Variants in CIC observed in about 807,000 individuals in gnomAD.
CIC encodes the protein capicua transcriptional repressor.
CIC carries 18 observed loss-of-function variants against 115.7 expected under a neutral mutation model. The observed-to-expected ratio is 0.16, with a 90% CI of 0.11 to 0.23. CIC has a LOEUF of 0.23. Among genes scored for constraint, CIC ranks in the 10% least tolerant of loss-of-function variants. CIC has a pLI of 1.00. For synonymous variants in CIC, 1,076 were observed against 923.0 expected (o/e 1.17, Z -3.01); for missense variants, 2,000 against 2,159.3 (o/e 0.93, Z 1.46).
At position 42,272,454 on chromosome 19, in the gene CIC, T is replaced by G. The variant is rs1346382831; in HGVS notation, c.671T>G (p.Val224Gly). Reference sequence around the variant, plus strand: ...TTCCTGCCGGCTGTGGTGCGCCAGGTGCGCCGAAGCCAGGACCTGGGCGTG... The same window carrying G: ...TTCCTGCCGGCTGTGGTGCGCCAGGGGCGCCGAAGCCAGGACCTGGGCGTG... Reference protein sequence around the residue: ...GLFLPAVVRQVRRSQDLGVQF... With the variant: ...GLFLPAVVRQGRRSQDLGVQF... The change falls in exon 2 of 21, where the codon GTG becomes GGG. Residue 224 changes from valine (V) to glycine (G), a missense_variant. Val to Gly is a moderately radical substitution (Grantham distance 109). Around this residue, in one of 8 missense-constraint regions of CIC, gnomAD observed 222 missense variants for 247.7 expected, o/e 0.90. Coordinates refer to ENST00000681038, the MANE Select transcript of CIC (RefSeq NM_001386298.1). The G allele has an allele frequency of 2.5e-6, 1 of 398,240 alleles. No homozygotes were observed. Among genetic ancestry groups the G allele is most frequent in the Non-Finnish European group, 4.4e-6 (1 of 225,954 alleles). The allele number at this position is 398,240 out of a possible 1,614,324, so 24.7% of individuals were successfully genotyped here. A position where few individuals can be genotyped will look rare whatever the true frequency, so the allele number is the denominator to read the frequency against.
intron 2 of CIC, among the ~76,000 whole-genome samples, chr19:42,286,171 G>A (rs926563186): frequency 6.6e-6 from 1 of 152,180 alleles, no homozygotes; most frequent in Non-Finnish European, 1.5e-5. Context: ...GGAAGGGCAG[G>A]TCTGGCACTC....
intron 2 of CIC, among the ~76,000 whole-genome samples, 190 bp downstream of exon 2, chr19:42,274,767 C>T (rs2036906129): frequency 6.6e-6 from 1 of 152,202 alleles, no homozygotes; most frequent in Non-Finnish European, 1.5e-5. Flanking sequence ...CTCAAGGCAC[C>T]GTTTCCAGAG....
intron 7 of CIC, among the ~76,000 whole-genome samples, chr19:42,288,607 G>C (rs2037837669): frequency 6.6e-6 from 1 of 152,180 alleles, no homozygotes; most frequent in Non-Finnish European, 1.5e-5. Flanking sequence ...GCTCAGGCCA[G>C]CGGTTGGCTA....
Position 42,287,497 on chromosome 19 carries a change from C to T in CIC, c.3309+48C>T, listed in dbSNP as rs1287186766. The T allele has an allele frequency of 3.1e-6, 5 of 1,612,228 alleles. No homozygotes were observed. Among genetic ancestry groups the T allele is most frequent in the Non-Finnish European group, 4.2e-6 (5 of 1,180,040 alleles). On this transcript the variant is annotated intron_variant, in intron 5 of 20. Transcript: ENST00000681038. This position sits in a 1 kb window ranked among gnomAD's most constrained non-coding sequence, Gnocchi z 8.7. Reference sequence around the variant, plus strand: ...GTGCTCACCCCGTGGCCACCCACACCTGTCTGCCAGGTCCTAACTGTCCCG... The same window carrying T: ...GTGCTCACCCCGTGGCCACCCACACTTGTCTGCCAGGTCCTAACTGTCCCG...
intron 2 of CIC, 25 bp downstream of exon 2, chr19:42,274,602 G>A (rs1174016177): frequency 5.0e-6 from 2 of 398,582 alleles, no homozygotes; most frequent in South Asian, 1.3e-4. Flanking sequence ...TGGATGGGCT[G>A]CGCCAGGCTC....
chr19:42,294,499 C>T (rs1342188604), intron 19 of CIC, 105 bp from the exon 20 acceptor site: 3 of 1,579,148 alleles, frequency 1.9e-6, no homozygotes, highest in Non-Finnish European at 2.6e-6. Context: ...CTCTCTGACT[C>T]CCCTGTGAAA....
intron 2 of CIC, among the ~76,000 whole-genome samples, chr19:42,278,373 G>A (rs1185151268): frequency 6.6e-6 from 1 of 152,200 alleles, no homozygotes; most frequent in South Asian, 2.1e-4. Context: ...TCTGTCTGGC[G>A]GTCTGGCTCT....
intron 12 of CIC, 88 bp downstream of exon 12, chr19:42,291,833 C>G (rs747964173): frequency 1.3e-5 from 20 of 1,504,154 alleles, no homozygotes; most frequent in Non-Finnish European, 1.8e-5. Flanking sequence ...TTTTCTCCTT[C>G]TCCATGTATC....
chr19:42,288,802 C>T (rs896694365), intron 7 of CIC, 86 bp from the exon 8 acceptor site: 4 of 1,251,466 alleles, frequency 3.2e-6, no homozygotes, highest in Non-Finnish European at 4.6e-6. Flanking sequence ...CTGCCTAGTA[C>T]CTAGAAATAT....
Position 42,290,382 on chromosome 19 carries a change from G to A in CIC, c.4341G>A (p.Ser1447=), listed in dbSNP as rs114703123. The change falls in exon 11 of 21, where the codon TCG becomes TCA. Residue 1447 remains serine (S), a synonymous_variant. Coordinates refer to ENST00000681038, the MANE Select transcript of CIC (RefSeq NM_001386298.1). The part of the protein sequence containing the change: ...YGSAPSSSAS[S]PASSSASAAT... ...CCGCCCCATCCTCCTCTGCGTCCTC[G>A]CCTGCTTCCTCCTCAGCCTCGGCAG... 1.3e-4 allele frequency: 209 copies of A among 1,613,952 alleles called. No individual in the cohort carries two copies. The African/African-American group carries it at 2.2e-3, about 17-fold the overall frequency.
At position 42,292,566 on chromosome 19, in the gene CIC, C is replaced by T. The variant is rs1237094260; in HGVS notation, c.5903C>T (p.Ala1968Val). The stretch of plus-strand genomic sequence containing the variant: ...CTGCTTCTTCTTCTCTGTCTTTCAG[C>T]AGGCCAAGCCCCACTGCTGGCTCCC... ...GPAFVQPLLSAGQAPLLAPGQ... is the reference protein window; with the variant it reads ...GPAFVQPLLSVGQAPLLAPGQ... Residue 1968 changes from alanine (A) to valine (V), a missense_variant and splice_region_variant, in exon 15 of 21, where the codon GCA becomes GTA. Physicochemically the swap from Ala to Val is moderately conservative, Grantham distance 64. Around this residue, in one of 8 missense-constraint regions of CIC, gnomAD observed 1,466 missense variants for 1,390.4 expected, o/e 1.05. Transcript: ENST00000681038. The T allele has an allele frequency of 6.2e-7, 1 of 1,613,066 alleles. No homozygotes were observed.
In CIC at chr19:42,288,903, T is replaced by G; in HGVS notation, c.3674T>G (p.Leu1225Arg). 6.2e-7 allele frequency: 1 copy of G among 1,614,096 alleles called. No homozygotes were observed. The highest frequency in any genetic ancestry group is 8.5e-7 in the Non-Finnish European group (1 of 1,180,020). The change falls in exon 8 of 21, where the codon CTG (leucine) becomes CGG (arginine). Residue 1225 changes from leucine (L) to arginine (R), a missense_variant. By Grantham distance (102) the Leu-to-Arg change is moderately radical. This residue lies in a region of CIC where 1,466 missense variants were observed against 1,390.4 expected (regional missense o/e 1.05). Transcript: ENST00000681038. ...TACTTTACAGTGTCCTCTGAGCTCCTGTCCGTTGCAGCCCAGACACTCCTG... is the reference window on the plus strand; with the variant it reads ...TACTTTACAGTGTCCTCTGAGCTCCGGTCCGTTGCAGCCCAGACACTCCTG... The part of the protein sequence containing the change: ...AAAPGVSSEL[L>R]SVAAQTLLSS...
chr19:42,290,275 T>C lies in CIC; in HGVS notation c.4234T>C (p.Phe1412Leu), dbSNP rs745984712. ...KVFSPVIRSS[F>L]THCRPPLDPE... ...GTTTTCACCTGTGATCCGTTCCTCC[T>C]TTACCCACTGCCGCCCCCCACTGGA... is the stretch of plus-strand genomic sequence containing the variant. The change falls in exon 11 of 21, where the codon TTT becomes CTT. Residue 1412 changes from phenylalanine (F) to leucine (L), a missense_variant. Phe to Leu is a conservative substitution (Grantham distance 22). Transcript: ENST00000681038. 17 of 1,613,938 alleles carry C rather than the reference T, an allele frequency of 1.1e-5. No individual in the cohort carries two copies. The South Asian group carries it at 1.5e-4, about 15-fold the overall frequency.
At chr19:42,289,774 C>A in intron 9 of CIC, 74 bp from the exon 10 acceptor site, 1 of 1,286,642 alleles carries the variant, frequency 7.8e-7, no homozygotes, top group Non-Finnish European at 1.1e-6. Context: ...AGCTGAGATC[C>A]AGGCTCCAGA....
rs1468359268 is a variant in CIC at position 42,280,642 on chromosome 19, G to A, written c.2794+6065G>A. Reference sequence around the variant, plus strand: ...TGCCAGCTGGCCGGCGCCCCGCCGCGGCCCGCGTGGGTGTCAGGCCGGCCG... The same window carrying A: ...TGCCAGCTGGCCGGCGCCCCGCCGCAGCCCGCGTGGGTGTCAGGCCGGCCG... On this transcript the variant is annotated intron_variant, in intron 2 of 20. Transcript: ENST00000681038. The surrounding 1 kb of genome is among the most constrained non-coding windows in gnomAD (Gnocchi z 4.9). 6.6e-6 allele frequency among the ~76,000 whole-genome samples: 1 copy of A among 152,046 alleles called. No individual in the cohort carries two copies. Among genetic ancestry groups the A allele is most frequent in the African/African-American group, 2.4e-5 (1 of 41,408 alleles).
At chr19:42,285,324 G>A (rs1052480802) in intron 2 of CIC, among the ~76,000 whole-genome samples, 1 of 152,138 alleles carries the variant, frequency 6.6e-6, no homozygotes, top group African/African-American at 2.4e-5. Context: ...CCCCAGAAAA[G>A]AGGAGGCCTT....
In CIC at chr19:42,293,403, CTCTG is replaced by C. The variant is rs113959232; in HGVS notation, c.6522+125_6522+128del. 4.9e-4 allele frequency: 659 copies of C among 1,352,702 alleles called. 18 individuals carry two copies. The African/African-American group carries it at 7.4e-3, about 15-fold the overall frequency. 83.8% of individuals were successfully genotyped at this position (1,352,702 alleles called of 1,614,324 possible). On this transcript the variant is annotated intron_variant, in intron 16 of 20. Coordinates refer to ENST00000681038, the MANE Select transcript of CIC (RefSeq NM_001386298.1). ...TGTGTCTCTCAGGTTAAAGGGTCCC[CTCTG>C]TCCCTTCTGCCTGCCTGTGTTGTCT...
Position 42,289,354 on chromosome 19 carries a change from T to C in CIC, c.4035T>C (p.Ser1345=). ...GTGCGGCCAGTGAGGACATGACGAGTGATGAGGAGCGCATGGTCATCTGTG... is the reference window on the plus strand; with the variant it reads ...GTGCGGCCAGTGAGGACATGACGAGCGATGAGGAGCGCATGGTCATCTGTG... ...SQRAASEDMT[S]DEERMVICEE... Residue 1345 remains serine, a synonymous_variant, in exon 9 of 21, where the codon AGT becomes AGC. Coordinates refer to ENST00000681038, the MANE Select transcript of CIC (RefSeq NM_001386298.1). 1.9e-6 allele frequency: 3 copies of C among 1,613,014 alleles called. No individual in the cohort carries two copies. Among genetic ancestry groups the C allele is most frequent in the Non-Finnish European group, 2.5e-6 (3 of 1,179,548 alleles).
chr19:42,295,364 T>TGCTGGGGGGCA lies in CIC; in HGVS notation c.*178_*188dup. 1.6e-6 allele frequency: 1 copy of TGCTGGGGGGCA among 623,790 alleles called. No individual in the cohort carries two copies. The highest frequency in any genetic ancestry group is 2.8e-6 in the Non-Finnish European group (1 of 361,328). The allele number at this position is 623,790 out of a possible 1,614,324, so 38.6% of individuals were successfully genotyped here. A position where few individuals can be genotyped will look rare whatever the true frequency, so the allele number is the denominator to read the frequency against. On this transcript the variant is annotated 3_prime_UTR_variant, in exon 21 of 21. Transcript: ENST00000681038. ...CCCTTCCCTCGAAGCTCCCTCCCGGTGCTGGGGGGCAGCTGAGGGGCTGCA... is the reference window on the plus strand; with the variant it reads ...CCCTTCCCTCGAAGCTCCCTCCCGGTGCTGGGGGGCAGCTGGGGGGCAGCTGAGGGGCTGCA...
Sources: allele counts gnomAD v4.1 joint callset (sites outside exome capture counted in the v4.1 genomes callset), GRCh38; gene constraint gnomAD v4.1.1; regional missense constraint gnomAD v4.1.1; non-coding constraint Gnocchi (gnomAD v3.1); transcripts MANE v1.5; gene names NCBI Gene and HGNC (gene_info 2026-07-23, HGNC 2026-07-21).